The following PCDHA4 variants were observed in gnomAD, a reference collection of about 807,000 sequenced individuals.
The protein encoded by PCDHA4 is protocadherin alpha-4.
Under a neutral mutation model 61.4 loss-of-function variants are expected in PCDHA4, and 49 were observed. The ratio of observed to expected loss-of-function variants is 0.80; its 90% confidence interval spans 0.63 to 1.01. The LOEUF is 1.01. PCDHA4 is among the 50% of genes least tolerant of loss of function. The probability of loss-of-function intolerance (pLI) is 0.00; values close to 1 mark genes in which losing one functional copy is unlikely to be tolerated. For synonymous variants in PCDHA4, 590 were observed against 550.3 expected (o/e 1.07, Z -1.01); for missense variants, 1,254 against 1,235.8 (o/e 1.01, Z -0.22).
chr5:140,816,719 C>A (rs1162364587), intron 1 of PCDHA4: 1 of 151,968 alleles, frequency 6.6e-6, no homozygotes. Flanking sequence ...ATTCTAGGGA[C>A]CTCTCAAACC....
intron 1 of PCDHA4, chr5:140,850,131 G>A (rs2150469102): frequency 2.5e-6 from 4 of 1,595,702 alleles, no homozygotes; most frequent in Admixed American, 1.7e-5. Context: ...GCCGCCTCTG[G>A]GCAGCAACGT....
intron 1 of PCDHA4, chr5:140,823,386 C>A: frequency 6.2e-7 from 1 of 1,612,766 alleles, no homozygotes; most frequent in South Asian, 1.1e-5. Context: ...TGAGCGCGCG[C>A]GACGCGGGCG....
chr5:141,006,384 T>C, intron 3 of PCDHA4, among the ~76,000 whole-genome samples: 2 of 152,126 alleles, frequency 1.3e-5, no homozygotes, highest in South Asian at 4.2e-4. Flanking sequence ...GCTAAGTTTT[T>C]TCTATTTTTT....
At position 140,903,816 on chromosome 5, in the gene PCDHA4, C is replaced by T. The variant is rs963125816; in HGVS notation, c.2386-75133C>T. On this transcript the variant is annotated intron_variant, in intron 1 of 3. Coordinates refer to ENST00000530339, the MANE Select transcript of PCDHA4 (RefSeq NM_018907.4). ...TTGTAATTGACAAGTATAGTTCTCACATGAATGTCTGTTGGTATTTTCATT... is the reference window on the plus strand; with the variant it reads ...TTGTAATTGACAAGTATAGTTCTCATATGAATGTCTGTTGGTATTTTCATT... Among the ~76,000 whole-genome samples, 7 of 152,190 alleles carry T rather than the reference C, an allele frequency of 4.6e-5. 1 individual carries two copies. The highest frequency in any genetic ancestry group is 2.6e-4 in the Admixed American group (4 of 15,282).
intron 1 of PCDHA4, among the ~76,000 whole-genome samples, chr5:140,820,168 C>T (rs2150106107): frequency 1.3e-5 from 2 of 151,832 alleles, no homozygotes; most frequent in East Asian, 3.9e-4. Flanking sequence ...AACTATTAGG[C>T]AAATAGTCTG....
At chr5:140,926,923 T>G in intron 1 of PCDHA4, 1 of 1,571,554 alleles carries the variant, frequency 6.4e-7, no homozygotes. Flanking sequence ...AGTTTTATGT[T>G]TGTGGGTTTC....
At position 140,982,581 on chromosome 5, in the gene PCDHA4, C is replaced by CT. The variant is rs782248594; in HGVS notation, c.2533+19dup. 2.4e-5 allele frequency: 38 copies of CT among 1,612,216 alleles called. No homozygotes were observed. The Middle Eastern group carries it at 5.0e-4, about 21-fold the overall frequency. ...AACACCAGGTAAAGAGCTGGGGTCT[C>CT]TCCATTCTTTCTTGGTTTCTGGAAA... On this transcript the variant is annotated intron_variant, in intron 3 of 3. Transcript: ENST00000530339.
intron 1 of PCDHA4, chr5:140,967,711 G>C (rs557842321): frequency 6.2e-7 from 1 of 1,614,168 alleles, no homozygotes; most frequent in East Asian, 2.2e-5. Context: ...CCAGTACCGG[G>C]GAAGTGCGAG....
At chr5:140,849,937 A>T (rs1554143515) in intron 1 of PCDHA4, 3 of 1,598,056 alleles carry the variant, frequency 1.9e-6, no homozygotes, top group Non-Finnish European at 2.6e-6. Flanking sequence ...TCTGCGCGGG[A>T]CGCTGACGCG....
chr5:141,010,233 G>C lies in PCDHA4; in HGVS notation c.*296G>C, dbSNP rs1156230400. ...AAGGAGAGGCTTCCCAGCCCCGCCA[G>C]TGAGAGGTTGGACTCTCTGCCCTGT... On this transcript the variant is annotated 3_prime_UTR_variant, in exon 4 of 4. Transcript: ENST00000530339. 1.9e-6 allele frequency: 3 copies of C among 1,551,812 alleles called. No homozygotes were observed. The highest frequency in any genetic ancestry group is 2.6e-6 in the Non-Finnish European group (3 of 1,147,042).
At chr5:140,858,085 G>A (rs782551513) in intron 1 of PCDHA4, 1 of 1,597,828 alleles carries the variant, frequency 6.3e-7, no homozygotes, top group Non-Finnish European at 8.6e-7. Context: ...AGGCCTCGTC[G>A]CGGGCTTCAG....
intron 1 of PCDHA4, among the ~76,000 whole-genome samples, chr5:140,898,621 C>T (rs1356286726): frequency 8.5e-5 from 13 of 152,312 alleles, no homozygotes; most frequent in African/African-American, 2.6e-4. Flanking sequence ...AGTCAGGTAG[C>T]ATAATGCCTC....
chr5:140,822,341 AC>A (rs2150115661), intron 1 of PCDHA4: 5 of 1,614,128 alleles, frequency 3.1e-6, no homozygotes, highest in Non-Finnish European at 4.2e-6. Context: ...GAAGAAACGA[AC>A]TTTTTAGAGC....
intron 1 of PCDHA4, among the ~76,000 whole-genome samples, chr5:140,973,873 G>A (rs546928847): frequency 3.3e-5 from 5 of 152,292 alleles, no homozygotes; most frequent in African/African-American, 1.2e-4. Flanking sequence ...TGAGAGGTCA[G>A]AATAATGTCA....
chr5:140,855,049 C>G (rs188702829), intron 1 of PCDHA4, among the ~76,000 whole-genome samples: 3 of 149,820 alleles, frequency 2.0e-5, no homozygotes, highest in South Asian at 2.1e-4. Context: ...TGTAATAGTA[C>G]TTTTCTGTTT....
chr5:140,855,191 C>T (rs1029956602), intron 1 of PCDHA4, among the ~76,000 whole-genome samples: 1 of 149,742 alleles, frequency 6.7e-6, no homozygotes, highest in East Asian at 1.9e-4. Flanking sequence ...CAAATTGAGG[C>T]CTGAGAATAG....
At chr5:140,923,659 G>A in intron 1 of PCDHA4, among the ~76,000 whole-genome samples, 1 of 152,224 alleles carries the variant, frequency 6.6e-6, no homozygotes, top group East Asian at 1.9e-4. Context: ...CTTATCTTTG[G>A]GATATCGTTC....
rs551606343 is a variant in PCDHA4 at position 140,977,430 on chromosome 5, G to A, written c.2386-1519G>A. Among the ~76,000 whole-genome samples, 14 of 152,252 alleles carry A rather than the reference G, an allele frequency of 9.2e-5. No homozygotes were observed. The South Asian group carries it at 2.5e-3, about 27-fold the overall frequency. The stretch of plus-strand genomic sequence containing the variant: ...ATTTTCTTTTGTTCCCTCTAACACC[G>A]CTAGTAGATAATGGAAACTCCTTTG... On this transcript the variant is annotated intron_variant, in intron 1 of 3. Coordinates refer to ENST00000530339, the MANE Select transcript of PCDHA4 (RefSeq NM_018907.4).
chr5:140,857,665 G>C, intron 1 of PCDHA4: 1 of 1,596,910 alleles, frequency 6.3e-7, no homozygotes, highest in East Asian at 2.2e-5. Flanking sequence ...CGCGCGATGG[G>C]GGCGTGCCGC....
Sources: allele counts gnomAD v4.1 joint callset (sites outside exome capture counted in the v4.1 genomes callset), GRCh38; gene constraint gnomAD v4.1.1; transcripts MANE v1.5; gene names NCBI Gene and HGNC (gene_info 2026-07-23, HGNC 2026-07-21).